Variants in SGMS1 observed in about 807,000 individuals in gnomAD.
SGMS1 encodes the protein phosphatidylcholine:ceramide cholinephosphotransferase 1.
Under a neutral mutation model 46.2 loss-of-function variants are expected in SGMS1, and 13 were observed. The ratio of observed to expected loss-of-function variants is 0.28; its 90% confidence interval spans 0.18 to 0.45. SGMS1 has a LOEUF of 0.45. Among genes scored for constraint, SGMS1 ranks in the 20% least tolerant of loss-of-function variants. SGMS1 has a pLI of 1.00. For missense variants in SGMS1, 324 were observed against 519.9 expected, an observed-to-expected ratio of 0.62 and a Z score of 3.66; for synonymous variants, 203 against 187.8, an observed-to-expected ratio of 1.08 and a Z score of -0.66.
upstream of SGMS1, chr10:50,624,725 T>C (rs7904446): frequency 0.2 from 193,252 of 985,304 alleles, 20,804 homozygotes; most frequent in African/African-American, 0.41. Context: ...GGTTTTCCTC[T>C]GCTCCCCGAG....
At position 50,623,950 on chromosome 10, in the gene SGMS1, C is replaced by G. The variant is rs971469150; in HGVS notation, c.-927G>C. 5 of 985,834 alleles carry G rather than the reference C, an allele frequency of 5.1e-6. No homozygotes were observed. The highest frequency in any genetic ancestry group is 1.7e-5 in the African/African-American group (1 of 57,244). 61.1% of individuals were successfully genotyped at this position (985,834 alleles called of 1,614,324 possible). ...CTTTCGACTTGCCACCGCGAGCCTC[C>G]CGGGCTGCCGAGCATGCCCAGTCCG... On this transcript the variant is annotated 5_prime_UTR_variant, in exon 1 of 11. Transcript: ENST00000361781.
intron 8 of SGMS1, among the ~76,000 whole-genome samples, chr10:50,322,897 C>T (rs527273593): frequency 3.2e-4 from 48 of 148,400 alleles, no homozygotes; most frequent in African/African-American, 9.9e-4. Flanking sequence ...ATGGAACACA[C>T]GGTCTTTGGA....
chr10:50,582,660 T>A (rs1838445638), intron 2 of SGMS1, among the ~76,000 whole-genome samples: 1 of 152,224 alleles, frequency 6.6e-6, no homozygotes, highest in African/African-American at 2.4e-5. Flanking sequence ...AAAAATTTCT[T>A]CTTAGGAATG....
At chr10:50,446,721 C>T (rs138156162) in intron 5 of SGMS1, among the ~76,000 whole-genome samples, 163 of 152,280 alleles carry the variant, frequency 1.1e-3, no homozygotes, top group African/African-American at 3.6e-3. Context: ...GAATCACACT[C>T]GCACACGTGT....
At chr10:50,552,268 AC>A (rs1325189526) in intron 2 of SGMS1, among the ~76,000 whole-genome samples, 1 of 152,256 alleles carries the variant, frequency 6.6e-6, no homozygotes, top group Non-Finnish European at 1.5e-5. Flanking sequence ...ATATTAAGTA[AC>A]AAAAAGTCAG....
At chr10:50,582,779 C>T (rs1838447145) in intron 2 of SGMS1, among the ~76,000 whole-genome samples, 1 of 152,226 alleles carries the variant, frequency 6.6e-6, no homozygotes, top group Non-Finnish European at 1.5e-5. Context: ...GTACTTTAAT[C>T]CAGGCCTACT....
chr10:50,576,442 G>A (rs1440721558), intron 2 of SGMS1, among the ~76,000 whole-genome samples: 1 of 152,170 alleles, frequency 6.6e-6, no homozygotes. Flanking sequence ...GCCACTGGAG[G>A]AGCACGCCCC....
At chr10:50,624,041 G>C, upstream of SGMS1, 1 of 985,508 alleles carries the variant, frequency 1.0e-6, no homozygotes, top group Non-Finnish European at 1.2e-6. Context: ...ACTGCGGCCG[G>C]GGGGGCGGGC....
chr10:50,542,517 A>T (rs996313469), intron 2 of SGMS1, among the ~76,000 whole-genome samples: 1 of 151,856 alleles, frequency 6.6e-6, no homozygotes, highest in Non-Finnish European at 1.5e-5. Context: ...TCTTAAAAAA[A>T]AGTGGTTAAG....
intron 2 of SGMS1, among the ~76,000 whole-genome samples, chr10:50,520,379 C>T (rs1001050549): frequency 6.8e-6 from 1 of 147,826 alleles, no homozygotes; most frequent in African/African-American, 2.5e-5. Context: ...AAGACCCCAT[C>T]TCAAAAAAAA....
chr10:50,556,554 G>A (rs1838190729), intron 2 of SGMS1, among the ~76,000 whole-genome samples: 1 of 152,152 alleles, frequency 6.6e-6, no homozygotes, highest in African/African-American at 2.4e-5. Context: ...TATCTCAGGA[G>A]AGCAAGGAGG....
intron 5 of SGMS1, among the ~76,000 whole-genome samples, chr10:50,445,991 A>G (rs1439251826): frequency 4.6e-5 from 7 of 152,158 alleles, no homozygotes; most frequent in Non-Finnish European, 1.0e-4. Context: ...AAGGGAAGAG[A>G]TAAGCCCCCA....
intron 2 of SGMS1, among the ~76,000 whole-genome samples, chr10:50,589,779 G>C (rs571880357): frequency 3.8e-4 from 58 of 152,280 alleles, no homozygotes; most frequent in African/African-American, 1.4e-3. Flanking sequence ...GCCTAAAAAT[G>C]TTTTTAATCT....
rs1837980181 is a variant in SGMS1, at chr10:50,534,248, T to G, written c.-588-14327A>C. 2.6e-5 allele frequency among the ~76,000 whole-genome samples: 4 copies of G among 152,150 alleles called. No homozygotes were observed. The South Asian group carries it at 8.3e-4, about 32-fold the overall frequency. On this transcript the variant is annotated intron_variant, in intron 2 of 10. Transcript: ENST00000361781. ...CAGTCAAAGAGGGCTCTGTATAGTG[T>G]TAAAATTTTTGAGATGTATTCATCT...
chr10:50,439,791 C>T (rs1313682035), intron 5 of SGMS1, among the ~76,000 whole-genome samples: 1 of 152,018 alleles, frequency 6.6e-6, no homozygotes, highest in Non-Finnish European at 1.5e-5. Context: ...GAATAATTTG[C>T]CTTTAAAAAA....
chr10:50,433,322 A>T (rs1479831081), intron 6 of SGMS1, among the ~76,000 whole-genome samples, 154 bp downstream of exon 6: 2 of 152,260 alleles, frequency 1.3e-5, no homozygotes, highest in Non-Finnish European at 2.9e-5. Context: ...CAAAGTTAGC[A>T]TCAATTGTTT....
intron 7 of SGMS1, chr10:50,341,091 T>G (rs1435852033): frequency 6.4e-6 from 2 of 311,344 alleles, no homozygotes; most frequent in Non-Finnish European, 1.3e-5. Flanking sequence ...GTTAACTCTC[T>G]GCTAAGAATA....
At chr10:50,373,378 C>T (rs2842109) in intron 6 of SGMS1, among the ~76,000 whole-genome samples, 52,540 of 152,052 alleles carry the variant, frequency 0.35, 9,258 homozygotes, top group South Asian at 0.41. Context: ...GTTGTCTTAA[C>T]GCCCTGATCA....
intron 3 of SGMS1, among the ~76,000 whole-genome samples, chr10:50,491,642 C>A (rs755010967): frequency 2.0e-5 from 3 of 152,086 alleles, no homozygotes; most frequent in Non-Finnish European, 4.4e-5. Flanking sequence ...CTGAACAGAC[C>A]AATAACGAAC....
Sources: allele counts gnomAD v4.1 joint callset (sites outside exome capture counted in the v4.1 genomes callset), GRCh38; gene constraint gnomAD v4.1.1; transcripts MANE v1.5; gene names NCBI Gene and HGNC (gene_info 2026-07-23, HGNC 2026-07-21).